The following NPAS2 variants were observed in gnomAD, a reference collection of about 807,000 sequenced individuals.
NPAS2 encodes the protein neuronal PAS domain-containing protein 2.
NPAS2 carries 23 observed loss-of-function variants against 107.5 expected under a neutral mutation model. That is an observed-to-expected ratio of 0.21 (90% CI 0.15 to 0.30). The LOEUF (loss-of-function observed/expected upper bound fraction) is 0.30. NPAS2 is among the 10% of genes least tolerant of loss of function. The pLI is 1.00. For synonymous variants in NPAS2, 403 were observed against 417.5 expected (o/e 0.97, Z 0.42); for missense variants, 756 against 1,043.3 (o/e 0.72, Z 3.79).
intron 1 of NPAS2, among the ~76,000 whole-genome samples, chr2:100,845,191 C>T (rs560626074): frequency 1.3e-4 from 20 of 152,208 alleles, no homozygotes; most frequent in Non-Finnish European, 2.8e-4. Flanking sequence ...AGCAGTGGAT[C>T]GGGGTGGAAT....
chr2:100,843,346 A>G (rs918089574), intron 1 of NPAS2, among the ~76,000 whole-genome samples: 4 of 152,158 alleles, frequency 2.6e-5, no homozygotes, highest in Non-Finnish European at 5.9e-5. Context: ...ATCATTGGCT[A>G]TAAAGCCTCC....
chr2:100,825,924 C>T (rs922432828), intron 1 of NPAS2, among the ~76,000 whole-genome samples: 3 of 152,156 alleles, frequency 2.0e-5, no homozygotes, highest in South Asian at 2.1e-4. Flanking sequence ...GGGAGGTCTC[C>T]GTGGTGCCCT....
At chr2:100,957,441 T>C (rs1398453727) in intron 7 of NPAS2, among the ~76,000 whole-genome samples, 1 of 152,252 alleles carries the variant, frequency 6.6e-6, no homozygotes, top group Non-Finnish European at 1.5e-5. Flanking sequence ...TATTTAGGGC[T>C]ATGTTTGCTT....
At position 100,864,573 on chromosome 2, in the gene NPAS2, T is replaced by A. The variant is rs1679142764; in HGVS notation, c.-22-40160T>A. 2.0e-5 allele frequency among the ~76,000 whole-genome samples: 3 copies of A among 152,304 alleles called. No individual in the cohort carries two copies. The South Asian group carries it at 6.2e-4, about 32-fold the overall frequency. On this transcript the variant is annotated intron_variant, in intron 1 of 20. Coordinates refer to ENST00000335681, the MANE Select transcript of NPAS2 (RefSeq NM_002518.4). ...GCCATTTCTGAGGCACCAAGGAACA[T>A]GGCATTGAAAAATGGTTGACAAGTC...
At chr2:100,896,317 C>A (rs868491503) in intron 1 of NPAS2, among the ~76,000 whole-genome samples, 1 of 152,184 alleles carries the variant, frequency 6.6e-6, no homozygotes, top group Non-Finnish European at 1.5e-5. Context: ...TCGGAAACCC[C>A]CTATTCTGAG....
rs186751500 is a variant in NPAS2 at position 100,839,826 on chromosome 2, A to C, written c.-23+19412A>C. On this transcript the variant is annotated intron_variant, in intron 1 of 20. Transcript: ENST00000335681. ...ATGTCTAGAGTTTTTGTTTCATATC[A>C]GTTAAGAATATTTGTGCTTCACTTT... Among the ~76,000 whole-genome samples, 156 of 152,296 alleles carry C rather than the reference A, an allele frequency of 1.0e-3. 1 individual carries two copies. Among genetic ancestry groups the C allele is most frequent in the African/African-American group, 3.6e-3 (150 of 41,550 alleles).
At chr2:100,902,077 A>G (rs1477480687) in intron 1 of NPAS2, among the ~76,000 whole-genome samples, 2 of 152,082 alleles carry the variant, frequency 1.3e-5, no homozygotes, top group African/African-American at 4.8e-5. Context: ...AAATAAAAAA[A>G]AAAGTAGATG....
intron 1 of NPAS2, among the ~76,000 whole-genome samples, chr2:100,874,940 G>C (rs757242238): frequency 9.2e-5 from 14 of 152,076 alleles, no homozygotes; most frequent in Middle Eastern, 3.2e-3. Flanking sequence ...CGGTGACTGT[G>C]GTGGGCCTCA....
intron 3 of NPAS2, among the ~76,000 whole-genome samples, chr2:100,928,638 T>A (rs1354359659): frequency 2.0e-5 from 3 of 152,208 alleles, no homozygotes; most frequent in Non-Finnish European, 2.9e-5. Context: ...CTCACTCATC[T>A]CTGTGATTTC....
At chr2:100,951,780 TACTCAGCCCTACTGA>T (rs1030208514) in intron 7 of NPAS2, among the ~76,000 whole-genome samples, 1 of 152,158 alleles carries the variant, frequency 6.6e-6, no homozygotes, top group Non-Finnish European at 1.5e-5. Flanking sequence ...AGTGTGAATA[TACTCAGCCCTACTGA>T]ACTGTGCACT....
At chr2:100,985,236 ATCCTTCCATCCG>A (rs761254295) in intron 16 of NPAS2, 2 of 151,700 alleles carry the variant, frequency 1.3e-5, no homozygotes, top group Non-Finnish European at 2.9e-5. Context: ...TCATCTGTCC[ATCCTTCCATCCG>A]TCCTTCCATC....
At chr2:100,850,029 AAAAAAAAAGC>A (rs66637875) in intron 1 of NPAS2, among the ~76,000 whole-genome samples, 2,813 of 135,210 alleles carry the variant, frequency 0.021, 52 homozygotes, top group Middle Eastern at 0.031. Flanking sequence ...AAAAAAAAAA[AAAAAAAAAGC>A]AAGAGAAAAT....
At chr2:100,893,206 T>C (rs1480813531) in intron 1 of NPAS2, among the ~76,000 whole-genome samples, 1 of 152,056 alleles carries the variant, frequency 6.6e-6, no homozygotes, top group African/African-American at 2.4e-5. Context: ...TGAGGAAAAA[T>C]CATTACCAAG....
intron 1 of NPAS2, among the ~76,000 whole-genome samples, chr2:100,873,683 T>C (rs965021253): frequency 1.5e-5 from 2 of 132,998 alleles, no homozygotes; most frequent in African/African-American, 5.0e-5. Context: ...AACTACGATA[T>C]TATAAAGTGC....
rs547263953 is a variant in NPAS2 at position 100,825,394 on chromosome 2, A to G, written c.-23+4980A>G. ...ATATTTTCCGTTCAGTGTTTTTTCT[A>G]TGCATTGAAATATTTTTATATTAGT... On this transcript the variant is annotated intron_variant, in intron 1 of 20. Transcript: ENST00000335681. Among the ~76,000 whole-genome samples the G allele has an allele frequency of 7.2e-5, 11 of 152,350 alleles. No homozygotes were observed. The South Asian group carries it at 1.2e-3, about 17-fold the overall frequency.
intron 1 of NPAS2, among the ~76,000 whole-genome samples, chr2:100,864,450 T>G (rs1679131614): frequency 6.6e-6 from 1 of 152,216 alleles, no homozygotes; most frequent in African/African-American, 2.4e-5. Flanking sequence ...GGTTCAGCAT[T>G]AAGTTTCCAT....
chr2:100,871,329 G>GTTT lies in NPAS2; in HGVS notation c.-22-33386_-22-33384dup, dbSNP rs5832938. Among the ~76,000 whole-genome samples the GTTT allele has an allele frequency of 9.7e-4, 124 of 127,522 alleles. 1 individual carries two copies. Among genetic ancestry groups the GTTT allele is most frequent in the African/African-American group, 3.5e-3 (119 of 34,176 alleles). 83.7% of individuals were successfully genotyped at this position (127,522 alleles called of 152,430 possible). A position where few individuals can be genotyped will look rare whatever the true frequency, so the allele number is the denominator to read the frequency against. ...TGCTGCCCACCTCTTCTTCTTCCTTGTTTTTTTTTTTTTTTTTTTTAAAGA... is the reference window on the plus strand; with the variant it reads ...TGCTGCCCACCTCTTCTTCTTCCTTGTTTTTTTTTTTTTTTTTTTTTTTAAAGA... On this transcript the variant is annotated intron_variant, in intron 1 of 20. Coordinates refer to ENST00000335681, the MANE Select transcript of NPAS2 (RefSeq NM_002518.4).
At chr2:100,872,372 C>T (rs1429904174) in intron 1 of NPAS2, among the ~76,000 whole-genome samples, 2 of 152,192 alleles carry the variant, frequency 1.3e-5, no homozygotes, top group African/African-American at 4.8e-5. Flanking sequence ...TTTTAAACTA[C>T]TTAGAACCAT....
In NPAS2 at chr2:100,965,041, T is replaced by A. The variant is rs1365049898; in HGVS notation, c.800+98T>A. 3 of 774,384 alleles carry A rather than the reference T, an allele frequency of 3.9e-6. No homozygotes were observed. Among genetic ancestry groups the A allele is most frequent in the Non-Finnish European group, 6.1e-6 (3 of 494,804 alleles). The allele number at this position is 774,384 out of a possible 1,614,324, so 48.0% of individuals were successfully genotyped here. On this transcript the variant is annotated intron_variant, in intron 9 of 20. Transcript: ENST00000335681. The surrounding 1 kb of genome is among the most constrained non-coding windows in gnomAD (Gnocchi z 4.3). ...GGAGAGAAGAGTCGGCCCTGGTCCATTGAAAGAGGAGGACTCTCTGGCACT... is the reference window on the plus strand; with the variant it reads ...GGAGAGAAGAGTCGGCCCTGGTCCAATGAAAGAGGAGGACTCTCTGGCACT...
Sources: allele counts gnomAD v4.1 joint callset (sites outside exome capture counted in the v4.1 genomes callset), GRCh38; gene constraint gnomAD v4.1.1; non-coding constraint Gnocchi (gnomAD v3.1); transcripts MANE v1.5; gene names NCBI Gene and HGNC (gene_info 2026-07-23, HGNC 2026-07-21).